ACAP2: variants seen among roughly 807,000 people sequenced by gnomAD.
ACAP2 encodes the protein ArfGAP with coiled-coil, ankyrin repeat and PH domains 2.
A neutral mutation model predicts 115.8 loss-of-function variants in ACAP2; 39 were observed. The observed-to-expected ratio is 0.34, with a 90% confidence interval of 0.26 to 0.44. The LOEUF is 0.44. Ranked by LOEUF, ACAP2 falls within the 20% of genes least tolerant of loss-of-function variation. The probability of loss-of-function intolerance (pLI) is 1.00; values close to 1 mark genes in which losing one functional copy is unlikely to be tolerated. For missense variants in ACAP2, 662 were observed against 927.6 expected, an observed-to-expected ratio of 0.71 and a Z score of 3.72; for synonymous variants, 289 against 315.8, an observed-to-expected ratio of 0.92 and a Z score of 0.90.
In ACAP2 at chr3:195,279,331, G is replaced by C. The variant is rs1214977875; in HGVS notation, c.2334C>G (p.Phe778Leu). 2 of 1,595,188 alleles carry C rather than the reference G, an allele frequency of 1.3e-6. No homozygotes were observed. The highest frequency in any genetic ancestry group is 3.6e-5 in the Admixed American group (2 of 55,908). The part of the protein sequence containing the change: ...LNRFQQDSQK[F>L] ...ATTTTCCCATTTTTAAAAAAATTCA[G>C]AATTTCTGTGAATCTTGCTGGAAAC... The change falls in exon 23 of 23, where the codon TTC (phenylalanine) becomes TTG (leucine). Residue 778 changes from phenylalanine to leucine, a missense_variant. This residue lies in a region of ACAP2 where 128 missense variants were observed against 200.2 expected (regional missense o/e 0.64). Transcript: ENST00000326793.
At chr3:195,355,281 CTTTTT>C (rs11345721) in intron 4 of ACAP2, among the ~76,000 whole-genome samples, 2 of 126,842 alleles carry the variant, frequency 1.6e-5, no homozygotes, top group African/African-American at 2.9e-5. Flanking sequence ...TCTTTTTCTT[CTTTTT>C]TTTTTTTTTT....
intron 1 of ACAP2, among the ~76,000 whole-genome samples, chr3:195,413,964 G>A (rs116650418): frequency 0.023 from 3,403 of 150,926 alleles, 118 homozygotes; most frequent in African/African-American, 0.077. Flanking sequence ...AACAGAATGA[G>A]ACCCTGTCTC....
At chr3:195,383,725 T>C (rs1734102033) in intron 2 of ACAP2, among the ~76,000 whole-genome samples, 1 of 151,592 alleles carries the variant, frequency 6.6e-6, no homozygotes, top group South Asian at 2.1e-4. Flanking sequence ...AGGAAAACAA[T>C]ATTAAGATAA....
intron 4 of ACAP2, among the ~76,000 whole-genome samples, chr3:195,355,054 G>A (rs2108680259): frequency 6.6e-6 from 1 of 152,224 alleles, no homozygotes; most frequent in Middle Eastern, 3.4e-3. Flanking sequence ...ACCAGAGACG[G>A]GGTTTCGCCA....
chr3:195,412,838 G>A (rs1218923483), intron 1 of ACAP2: 1 of 446,188 alleles, frequency 2.2e-6, no homozygotes, highest in South Asian at 1.6e-5. Flanking sequence ...AATTCCTTGA[G>A]CACTTACTGG....
intron 8 of ACAP2, among the ~76,000 whole-genome samples, chr3:195,330,531 C>T (rs1337393246): frequency 6.6e-6 from 1 of 152,174 alleles, no homozygotes; most frequent in Non-Finnish European, 1.5e-5. Context: ...GATGAGAGCG[C>T]AATCTAATAT....
At chr3:195,377,120 C>T (rs1577380939) in intron 4 of ACAP2, among the ~76,000 whole-genome samples, 1 of 132,292 alleles carries the variant, frequency 7.6e-6, no homozygotes, top group African/African-American at 2.8e-5. Context: ...CTTCATTTTA[C>T]AGAGGAGGAA....
At chr3:195,373,904 G>C (rs1279987780) in intron 4 of ACAP2, among the ~76,000 whole-genome samples, 5 of 152,124 alleles carry the variant, frequency 3.3e-5, no homozygotes, top group African/African-American at 1.2e-4. Flanking sequence ...CAGGGCAACA[G>C]AGCAAGACTC....
rs370251933 is a variant in ACAP2, at chr3:195,438,163, T to C, written c.53+4632A>G. On this transcript the variant is annotated intron_variant, in intron 1 of 22. Transcript: ENST00000326793. ...GCCTCAGCCTCCCGAGTAGCTGGGA[T>C]TACAGGTGCCCACCATCACGCCCAC... 7.3e-4 allele frequency among the ~76,000 whole-genome samples: 111 copies of C among 151,558 alleles called. 1 individual carries two copies. Among genetic ancestry groups the C allele is most frequent in the African/African-American group, 2.5e-3 (105 of 41,316 alleles).
chr3:195,307,101 T>C, intron 12 of ACAP2, 122 bp downstream of exon 12: 10 of 669,974 alleles, frequency 1.5e-5, no homozygotes, highest in Non-Finnish European at 2.5e-5. Flanking sequence ...AAATTATTTT[T>C]AAAACTTTTT....
intron 1 of ACAP2, among the ~76,000 whole-genome samples, chr3:195,420,588 C>T (rs991322202): frequency 3.3e-5 from 5 of 151,904 alleles, no homozygotes; most frequent in Non-Finnish European, 7.4e-5. Flanking sequence ...CGTGATTCAC[C>T]CGCCTCGGCC....
chr3:195,358,035 C>G (rs892941103), intron 4 of ACAP2, among the ~76,000 whole-genome samples: 7 of 152,206 alleles, frequency 4.6e-5, no homozygotes, highest in African/African-American at 1.7e-4. Flanking sequence ...CCTGGTCTCT[C>G]CCTTGACACG....
chr3:195,308,971 T>C (rs1383999999), intron 10 of ACAP2, 134 bp from the exon 11 acceptor site: 1 of 824,810 alleles, frequency 1.2e-6, no homozygotes, highest in African/African-American at 1.8e-5. Context: ...TGTATTATTT[T>C]GCTTTATATA....
At chr3:195,437,286 T>C (rs944810738) in intron 1 of ACAP2, among the ~76,000 whole-genome samples, 4 of 151,892 alleles carry the variant, frequency 2.6e-5, no homozygotes, top group South Asian at 2.1e-4. Flanking sequence ...CAAGTGATCC[T>C]CCCTCCTCAG....
Position 195,307,073 on chromosome 3 carries a change from G to A in ACAP2, c.1010+150C>T, listed in dbSNP as rs540747253. The A allele has an allele frequency of 9.2e-6, 5 of 542,806 alleles. No homozygotes were observed. In the East Asian group the frequency reaches 1.5e-4, roughly 17 times the overall value. The allele number at this position is 542,806 out of a possible 1,614,324, so 33.6% of individuals were successfully genotyped here. ...ACATAAATACCTGACTATAATATCT[G>A]TAACCATTAATTATTGAAAATTATT... is the stretch of plus-strand genomic sequence containing the variant. On this transcript the variant is annotated intron_variant, in intron 12 of 22. Transcript: ENST00000326793.
chr3:195,374,451 A>C (rs1476646371), intron 4 of ACAP2, among the ~76,000 whole-genome samples: 1 of 152,236 alleles, frequency 6.6e-6, no homozygotes, highest in Non-Finnish European at 1.5e-5. Context: ...TCAGAGAAAA[A>C]GAAGAGCACT....
chr3:195,298,293 T>A (rs184965260), intron 15 of ACAP2, among the ~76,000 whole-genome samples: 252 of 136,802 alleles, frequency 1.8e-3, no homozygotes, highest in Non-Finnish European at 2.9e-3. Context: ...TCTCACTCCA[T>A]CACCTAGGCG....
chr3:195,341,302 T>C (rs1233100843), intron 6 of ACAP2, among the ~76,000 whole-genome samples: 1 of 150,890 alleles, frequency 6.6e-6, no homozygotes, highest in African/African-American at 2.4e-5. Flanking sequence ...TTTTTTCGTT[T>C]GTTTGTTTTA....
intron 1 of ACAP2, among the ~76,000 whole-genome samples, chr3:195,434,546 GT>G (rs201563538): frequency 6.6e-6 from 1 of 152,114 alleles, no homozygotes; most frequent in Non-Finnish European, 1.5e-5. Flanking sequence ...GGTCTGTAGG[GT>G]TTTTTTGTGA....
Sources: gnomAD v4.1 joint callset for allele counts (sites outside exome capture counted in the v4.1 genomes callset) on GRCh38, gnomAD v4.1.1 for gene constraint, gnomAD v4.1.1 regional missense constraint, MANE v1.5 for transcripts, NCBI Gene and HGNC (gene_info 2026-07-23, HGNC 2026-07-21) for gene names.